Variants in B3GALT9 observed in about 807,000 individuals in gnomAD.
The protein encoded by B3GALT9 is UDP-GlcNAc:betaGal beta-1,3-N-acetylglucosaminyltransferase 10 (putative).
At position 120,801,174 on chromosome 9, in the gene B3GALT9, A is replaced by C. The variant is rs1476192882; in HGVS notation, c.*1496A>C. 2.0e-5 allele frequency among the ~76,000 whole-genome samples: 3 copies of C among 152,224 alleles called. No homozygotes were observed. Among genetic ancestry groups the C allele is most frequent in the Non-Finnish European group, 4.4e-5 (3 of 68,048 alleles). On this transcript the variant is annotated 3_prime_UTR_variant, in exon 3 of 3. Transcript: ENST00000689072. ...GAATAATGCTGCATTGAATGTGGGGAGTGCAGATATCTCTTTAACATACTG... is the reference window on the plus strand; with the variant it reads ...GAATAATGCTGCATTGAATGTGGGGCGTGCAGATATCTCTTTAACATACTG...
At chr9:120,794,363 C>T (rs994529565) in intron 1 of B3GALT9, among the ~76,000 whole-genome samples, 9 of 150,272 alleles carry the variant, frequency 6.0e-5, no homozygotes, top group Non-Finnish European at 1.3e-4. Flanking sequence ...TTTGAGGCAA[C>T]GTATCACTCT....
Position 120,798,749 on chromosome 9 carries a change from G to A in B3GALT9, c.181G>A (p.Glu61Lys), listed in dbSNP as rs1267506484. 1.0e-5 allele frequency: 4 copies of A among 398,890 alleles called. No individual in the cohort carries two copies. The highest frequency in any genetic ancestry group is 1.3e-4 in the South Asian group (1 of 7,858). The allele number at this position is 398,890 out of a possible 1,614,324, so 24.7% of individuals were successfully genotyped here. A position where few individuals can be genotyped will look rare whatever the true frequency, so the allele number is the denominator to read the frequency against. ...GAATAAGGCAAGAAAATTGAACATC[G>A]AACCCCTAAGAAGTAATCTCTCCAA... Reference protein sequence around the residue: ...IKNKARKLNIEPLRSNLSKYY... With the variant: ...IKNKARKLNIKPLRSNLSKYY... Residue 61 changes from glutamate to lysine, a missense_variant, in exon 3 of 3, where the codon GAA (glutamate) becomes AAA (lysine). By Grantham distance (56) the Glu-to-Lys change is moderately conservative (BLOSUM62 1). Transcript: ENST00000689072.
At chr9:120,796,980 C>G (rs2044942807) in intron 2 of B3GALT9, among the ~76,000 whole-genome samples, 1 of 150,514 alleles carries the variant, frequency 6.6e-6, no homozygotes, top group East Asian at 2.0e-4. Context: ...TCACTTGAAC[C>G]TGGGAGGCGG....
rs2044958066 is a variant in B3GALT9 at position 120,799,505 on chromosome 9, A to G, written c.937A>G (p.Ile313Val). 1 of 399,548 alleles carries G rather than the reference A, an allele frequency of 2.5e-6. No homozygotes were observed. Among genetic ancestry groups the G allele is most frequent in the South Asian group, 1.3e-4 (1 of 7,864 alleles). 24.8% of individuals were successfully genotyped at this position (399,548 alleles called of 1,614,324 possible). ...CYKFIFTSSE[I>V]ADPEMPLAWK... ...TAAGTTCATTTTTACATCCTCAGAA[A>G]TTGCAGATCCTGAAATGCCCCTAGC... Residue 313 changes from isoleucine to valine, a missense_variant, in exon 3 of 3, where the codon ATT (isoleucine) becomes GTT (valine). Coordinates refer to ENST00000689072, the MANE Select transcript of B3GALT9 (RefSeq NM_001386823.1).
chr9:120,794,052 G>A, intron 1 of B3GALT9, 130 bp downstream of exon 1: 1 of 163,722 alleles, frequency 6.1e-6, no homozygotes, highest in Non-Finnish European at 1.3e-5. Context: ...AGCAATTATA[G>A]TGAGGTCCCC....
Position 120,798,729 on chromosome 9 carries a change from A to G in B3GALT9, c.161A>G (p.Lys54Arg), listed in dbSNP as rs918259029. Residue 54 changes from lysine (K) to arginine (R), a missense_variant, in exon 3 of 3, where the codon AAG (lysine) becomes AGG (arginine). Transcript: ENST00000689072. The stretch of plus-strand genomic sequence containing the variant: ...GTGAAAGTTCTTGAAATTAAGAATA[A>G]GGCAAGAAAATTGAACATCGAACCC... ...IDVKVLEIKN[K>R]ARKLNIEPLR... The G allele has an allele frequency of 1.0e-5, 4 of 399,044 alleles. No homozygotes were observed. The highest frequency in any genetic ancestry group is 1.3e-4 in the South Asian group (1 of 7,870). 24.7% of individuals were successfully genotyped at this position (399,044 alleles called of 1,614,324 possible).
intron 1 of B3GALT9, among the ~76,000 whole-genome samples, chr9:120,795,184 T>C (rs1473788121): frequency 7.2e-5 from 11 of 152,206 alleles, no homozygotes; most frequent in Admixed American, 7.2e-4. Context: ...CACAGCATTA[T>C]AAGACATTTA....
intron 2 of B3GALT9, among the ~76,000 whole-genome samples, chr9:120,797,341 A>C (rs2044946424): frequency 1.3e-5 from 2 of 151,948 alleles, no homozygotes; most frequent in South Asian, 4.2e-4. Context: ...CCCCATCTCT[A>C]CTAAAAATAC....
At position 120,800,588 on chromosome 9, in the gene B3GALT9, G is replaced by T. The variant is rs544627139; in HGVS notation, c.*910G>T. On this transcript the variant is annotated 3_prime_UTR_variant, in exon 3 of 3. Transcript: ENST00000689072. ...CCAGTACACAATTCATTATAACTAAGTTTTTTTTTTTATAAACTGACTAGT... is the reference window on the plus strand; with the variant it reads ...CCAGTACACAATTCATTATAACTAATTTTTTTTTTTTATAAACTGACTAGT... Among the ~76,000 whole-genome samples, 1 of 146,508 alleles carries T rather than the reference G, an allele frequency of 6.8e-6. No individual in the cohort carries two copies. The highest frequency in any genetic ancestry group is 2.5e-5 in the African/African-American group (1 of 40,112).
chr9:120,794,856 C>A (rs1389495859), intron 1 of B3GALT9, among the ~76,000 whole-genome samples: 2 of 152,116 alleles, frequency 1.3e-5, no homozygotes, highest in African/African-American at 4.8e-5. Flanking sequence ...TGAAAAGTAC[C>A]TGATGTAAAT....
At chr9:120,794,401 G>A (rs1349626977) in intron 1 of B3GALT9, among the ~76,000 whole-genome samples, 1 of 151,006 alleles carries the variant, frequency 6.6e-6, no homozygotes. Flanking sequence ...ACAGTGACAC[G>A]ATCTTGGCTC....
rs976701278 is a variant in B3GALT9 at position 120,801,581 on chromosome 9, A to G, written c.*1903A>G. 3.3e-5 allele frequency among the ~76,000 whole-genome samples: 5 copies of G among 152,174 alleles called. No homozygotes were observed. The highest frequency in any genetic ancestry group is 1.2e-4 in the African/African-American group (5 of 41,428). On this transcript the variant is annotated 3_prime_UTR_variant, in exon 3 of 3. Coordinates refer to ENST00000689072, the MANE Select transcript of B3GALT9 (RefSeq NM_001386823.1). Reference sequence around the variant, plus strand: ...GGGTGAAACCCCGCCTCTACTAAACATACAAAAAATTAGCTGGACCCGGTG... The same window carrying G: ...GGGTGAAACCCCGCCTCTACTAAACGTACAAAAAATTAGCTGGACCCGGTG...
Position 120,799,951 on chromosome 9 carries a change from T to TG in B3GALT9, c.*273_*274insG, listed in dbSNP as rs1231208215. On this transcript the variant is annotated 3_prime_UTR_variant, in exon 3 of 3. Transcript: ENST00000689072. ...TGTTTCATTGTTTATTTAGTTTTCG[T>TG]TTTTTTTTTTTCTTTTGAGACAGGG... is the stretch of plus-strand genomic sequence containing the variant. 2 of 64,398 alleles carry TG rather than the reference T, an allele frequency of 3.1e-5. No homozygotes were observed. Among genetic ancestry groups the TG allele is most frequent in the African/African-American group, 2.2e-4 (1 of 4,492 alleles). 4.0% of individuals were successfully genotyped at this position (64,398 alleles called of 1,614,324 possible).
In B3GALT9 at chr9:120,793,523, G is replaced by A. The variant is rs1271686994; in HGVS notation, c.-581G>A. On this transcript the variant is annotated 5_prime_UTR_variant, in exon 1 of 3. Coordinates refer to ENST00000689072, the MANE Select transcript of B3GALT9 (RefSeq NM_001386823.1). Reference sequence around the variant, plus strand: ...TGGGAGGCTGGAGGCCGGGAGTAGGGGTGGGGAGAAGAGCGTCCCGGGAAG... The same window carrying A: ...TGGGAGGCTGGAGGCCGGGAGTAGGAGTGGGGAGAAGAGCGTCCCGGGAAG... 5.0e-6 allele frequency: 2 copies of A among 400,246 alleles called. No homozygotes were observed. Among genetic ancestry groups the A allele is most frequent in the Non-Finnish European group, 8.8e-6 (2 of 227,278 alleles). 24.8% of individuals were successfully genotyped at this position (400,246 alleles called of 1,614,324 possible). A position where few individuals can be genotyped will look rare whatever the true frequency, so the allele number is the denominator to read the frequency against.
intron 2 of B3GALT9, among the ~76,000 whole-genome samples, chr9:120,797,322 A>G (rs1164110587): frequency 6.6e-6 from 1 of 152,012 alleles, no homozygotes; most frequent in Non-Finnish European, 1.5e-5. Flanking sequence ...CCTGGCCAAC[A>G]TTGCAAAACC....
rs1239656080 is a variant in B3GALT9, at chr9:120,801,039, G to A, written c.*1361G>A. 6.6e-6 allele frequency among the ~76,000 whole-genome samples: 1 copy of A among 152,232 alleles called. No individual in the cohort carries two copies. The highest frequency in any genetic ancestry group is 1.5e-5 in the Non-Finnish European group (1 of 68,050). ...CAGGTTCATCCATGTTGTTGGAAAT[G>A]ACAGGATTTCTTTCATTTATAAGGC... On this transcript the variant is annotated 3_prime_UTR_variant, in exon 3 of 3. Coordinates refer to ENST00000689072, the MANE Select transcript of B3GALT9 (RefSeq NM_001386823.1).
chr9:120,799,185 A>G lies in B3GALT9; in HGVS notation c.617A>G (p.Asp206Gly), dbSNP rs2044956152. The part of the protein sequence containing the change: ...YLLNLKEHLE[D>G]IYVGRVLHQV... ...CTCAATCTGAAAGAACACCTAGAAG[A>G]TATCTATGTAGGAAGAGTTCTTCAT... The change falls in exon 3 of 3, where the codon GAT becomes GGT. Residue 206 changes from aspartate (D) to glycine (G), a missense_variant. Asp to Gly is a moderately conservative substitution (Grantham distance 94). Transcript: ENST00000689072. The G allele has an allele frequency of 5.0e-6, 2 of 398,976 alleles. No homozygotes were observed. Among genetic ancestry groups the G allele is most frequent in the Non-Finnish European group, 8.8e-6 (2 of 226,086 alleles). The allele number at this position is 398,976 out of a possible 1,614,324, so 24.7% of individuals were successfully genotyped here.
intron 2 of B3GALT9, among the ~76,000 whole-genome samples, 183 bp from the exon 3 acceptor site, chr9:120,798,392 G>A (rs2044951974): frequency 6.6e-6 from 1 of 152,216 alleles, no homozygotes; most frequent in African/African-American, 2.4e-5. Flanking sequence ...GGAGAAGACA[G>A]AGACACGATG....
Position 120,793,595 on chromosome 9 carries a change from C to T in B3GALT9, c.-509C>T, listed in dbSNP as rs1337092815. ...CTCACGGTGCTTAGGCTGGGTGCAA[C>T]CTAGAACGGAGGTTCCTTTCGTACC... On this transcript the variant is annotated 5_prime_UTR_variant, in exon 1 of 3. Coordinates refer to ENST00000689072, the MANE Select transcript of B3GALT9 (RefSeq NM_001386823.1). The T allele has an allele frequency of 7.5e-6, 3 of 399,186 alleles. No individual in the cohort carries two copies. Among genetic ancestry groups the T allele is most frequent in the African/African-American group, 4.1e-5 (2 of 48,614 alleles). The allele number at this position is 399,186 out of a possible 1,614,324, so 24.7% of individuals were successfully genotyped here.
Sources: gnomAD v4.1 joint callset for allele counts (sites outside exome capture counted in the v4.1 genomes callset) on GRCh38, gnomAD v4.1.1 for gene constraint, MANE v1.5 for transcripts, NCBI Gene and HGNC (gene_info 2026-07-23, HGNC 2026-07-21) for gene names.